The following EIF3H variants were observed in gnomAD, a reference collection of about 807,000 sequenced individuals.
EIF3H encodes eukaryotic translation initiation factor 3 subunit H.
In EIF3H, 26 loss-of-function variants were observed where a neutral mutation model predicts 44.2. The observed-to-expected ratio is 0.59, with a 90% CI of 0.43 to 0.82. The LOEUF (loss-of-function observed/expected upper bound fraction) is 0.82, where lower values mean the gene tolerates loss of function less well. Among genes scored for constraint, EIF3H ranks in the 40% least tolerant of loss-of-function variants. EIF3H has a pLI of 0.00. For missense variants in EIF3H, 359 were observed against 432.8 expected (o/e 0.83, Z 1.51); for synonymous variants, 166 against 151.9 (o/e 1.09, Z -0.68).
chr8:116,682,793 C>G (rs1412345434), intron 2 of EIF3H, among the ~76,000 whole-genome samples: 2 of 152,114 alleles, frequency 1.3e-5, no homozygotes, highest in South Asian at 2.1e-4. Context: ...TATTCAACAA[C>G]CTAATCAAGA....
chr8:116,744,204 T>C (rs1367971861), intron 1 of EIF3H, among the ~76,000 whole-genome samples: 5 of 103,948 alleles, frequency 4.8e-5, no homozygotes, highest in East Asian at 2.1e-4. Context: ...GGTGGAAACA[T>C]AGAAAGTATT....
intron 1 of EIF3H, among the ~76,000 whole-genome samples, chr8:116,729,513 T>C (rs1206684142): frequency 6.6e-6 from 1 of 152,204 alleles, no homozygotes; most frequent in African/African-American, 2.4e-5. Context: ...CAATTTTATG[T>C]AGTATCAATA....
At chr8:116,687,647 C>T (rs1199395861) in intron 2 of EIF3H, among the ~76,000 whole-genome samples, 1 of 152,156 alleles carries the variant, frequency 6.6e-6, no homozygotes, top group Non-Finnish European at 1.5e-5. Context: ...GATTTTAAAA[C>T]TGCATCATTT....
At chr8:116,683,499 C>T (rs1374331257) in intron 2 of EIF3H, among the ~76,000 whole-genome samples, 1 of 152,160 alleles carries the variant, frequency 6.6e-6, no homozygotes, top group Non-Finnish European at 1.5e-5. Flanking sequence ...CCCCAAAGGC[C>T]CACCTCCAGC....
At chr8:116,752,735 G>GGGAA (rs1554603845) in intron 1 of EIF3H, among the ~76,000 whole-genome samples, 4 of 70,788 alleles carry the variant, frequency 5.7e-5, no homozygotes, top group Non-Finnish European at 8.1e-5. Context: ...AAAGAAAGAA[G>GGGAA]AGAAAGAAAG....
chr8:116,676,456 G>C (rs1420559934), intron 2 of EIF3H, among the ~76,000 whole-genome samples: 6 of 152,164 alleles, frequency 3.9e-5, no homozygotes, highest in Non-Finnish European at 5.9e-5. Context: ...TGAGCAAAGG[G>C]GGGAAGAGCC....
At chr8:116,732,840 G>A (rs570528966) in intron 1 of EIF3H, among the ~76,000 whole-genome samples, 2 of 152,248 alleles carry the variant, frequency 1.3e-5, no homozygotes, top group African/African-American at 4.8e-5. Context: ...ACACAACACT[G>A]CTGACACCAG....
intron 2 of EIF3H, among the ~76,000 whole-genome samples, chr8:116,659,584 G>A (rs563279995): frequency 7.9e-5 from 12 of 152,210 alleles, no homozygotes; most frequent in Non-Finnish European, 1.3e-4. Context: ...ATTTTTTCTT[G>A]TCTGTGTGTT....
At chr8:116,686,176 C>T (rs919738625) in intron 2 of EIF3H, among the ~76,000 whole-genome samples, 7 of 152,130 alleles carry the variant, frequency 4.6e-5, no homozygotes, top group Admixed American at 4.6e-4. Flanking sequence ...CTGGACTATA[C>T]TAATCACAAA....
upstream of EIF3H, among the ~76,000 whole-genome samples, chr8:116,759,514 C>T (rs1815492925): frequency 1.3e-5 from 2 of 152,236 alleles, no homozygotes; most frequent in Admixed American, 1.3e-4. Context: ...CTTTCCCTCA[C>T]TTGGCTAAGA....
At chr8:116,726,706 T>C (rs1814847447) in intron 1 of EIF3H, among the ~76,000 whole-genome samples, 1 of 152,280 alleles carries the variant, frequency 6.6e-6, no homozygotes, top group South Asian at 2.1e-4. Flanking sequence ...AACAACAATC[T>C]GGTTGGTATA....
intron 2 of EIF3H, among the ~76,000 whole-genome samples, chr8:116,711,212 GA>G (rs1814567838): frequency 6.6e-6 from 1 of 152,126 alleles, no homozygotes; most frequent in East Asian, 1.9e-4. Flanking sequence ...AAGTATCTCT[GA>G]AAGGGGCAGG....
chr8:116,655,830 G>A, intron 5 of EIF3H, 26 bp downstream of exon 5: 1 of 1,608,748 alleles, frequency 6.2e-7, no homozygotes. Flanking sequence ...TAAAACATGG[G>A]CTTTTCATTA....
chr8:116,725,869 T>A (rs559223828), intron 2 of EIF3H, 147 bp downstream of exon 2: 1 of 937,312 alleles, frequency 1.1e-6, no homozygotes, highest in South Asian at 2.2e-5. Flanking sequence ...CCAGAATTTA[T>A]ATAATTTTCC....
rs140226562 is a variant in EIF3H, at chr8:116,671,298, C to T, written c.290-12318G>A. Among the ~76,000 whole-genome samples the T allele has an allele frequency of 1.4e-3, 214 of 152,260 alleles. 1 individual carries two copies. The highest frequency in any genetic ancestry group is 6.8e-3 in the Middle Eastern group (2 of 294). ...ACTAAGCTAGCAGTGTATCCCAAGG[C>T]TTTTGAGAATGTGTCAAAGGCAGAC... On this transcript the variant is annotated intron_variant, in intron 2 of 7. Coordinates refer to ENST00000521861, the MANE Select transcript of EIF3H (RefSeq NM_003756.3).
intron 2 of EIF3H, among the ~76,000 whole-genome samples, chr8:116,678,806 C>T (rs1176974350): frequency 1.4e-5 from 2 of 145,698 alleles, no homozygotes; most frequent in African/African-American, 2.5e-5. Context: ...GCAGCCACCC[C>T]GTCTGGGAAG....
At chr8:116,759,730 C>T (rs543290543), upstream of EIF3H, among the ~76,000 whole-genome samples, 10 of 151,946 alleles carry the variant, frequency 6.6e-5, no homozygotes, top group African/African-American at 9.6e-5. Context: ...TGCGTGTGCG[C>T]GCGCACACAC....
chr8:116,688,720 T>C (rs1272957583), intron 2 of EIF3H, among the ~76,000 whole-genome samples: 1 of 42,670 alleles, frequency 2.3e-5, no homozygotes, highest in Non-Finnish European at 4.8e-5. Flanking sequence ...ACATAGATAT[T>C]TGCTTCATAA....
At chr8:116,758,791 G>A (rs1174905738), upstream of EIF3H, among the ~76,000 whole-genome samples, 1 of 152,046 alleles carries the variant, frequency 6.6e-6, no homozygotes, top group Non-Finnish European at 1.5e-5. Flanking sequence ...AAGTCTCCAG[G>A]AAAATTTTAA....
Sources: gnomAD v4.1 joint callset for allele counts (sites outside exome capture counted in the v4.1 genomes callset) on GRCh38, gnomAD v4.1.1 for gene constraint, MANE v1.5 for transcripts, NCBI Gene and HGNC (gene_info 2026-07-23, HGNC 2026-07-21) for gene names.